Variants in L3HYPDH observed in about 807,000 individuals in gnomAD.
The protein encoded by L3HYPDH is trans-L-3-hydroxyproline dehydratase, also known as trans-3-hydroxy-L-proline dehydratase.
In L3HYPDH, 32 loss-of-function variants were observed where a neutral mutation model predicts 26.5. That is an observed-to-expected ratio of 1.21 (90% CI 0.91 to 1.62). The LOEUF (loss-of-function observed/expected upper bound fraction) is 1.62. Ranked by LOEUF, L3HYPDH falls within the 40% of genes most tolerant of loss-of-function variation. The pLI is 0.00. For missense variants in L3HYPDH, 554 were observed against 476.4 expected, an observed-to-expected ratio of 1.16 and a Z score of -1.52; for synonymous variants, 215 against 196.6, an observed-to-expected ratio of 1.09 and a Z score of -0.78.
the L3HYPDH span, chr14:59,501,331 T>G: frequency 1.0e-6 from 1 of 999,880 alleles, no homozygotes; most frequent in Admixed American, 1.9e-5. Flanking sequence ...AATATCAGAA[T>G]AGTCCATATG....
intron 2 of L3HYPDH, among the ~76,000 whole-genome samples, chr14:59,477,880 G>T (rs75306821): frequency 6.6e-6 from 1 of 151,928 alleles, no homozygotes; most frequent in Non-Finnish European, 1.5e-5. Flanking sequence ...AAATTCTCAC[G>T]TACTAAACAT....
chr14:59,501,326 C>A, the L3HYPDH span: 2 of 1,031,990 alleles, frequency 1.9e-6, no homozygotes, highest in Non-Finnish European at 1.5e-6. Context: ...AATTCAATAT[C>A]AGAATAGTCC....
chr14:59,482,567 A>C (rs1412930625), intron 1 of L3HYPDH, among the ~76,000 whole-genome samples: 1 of 152,214 alleles, frequency 6.6e-6, no homozygotes, highest in Non-Finnish European at 1.5e-5. Flanking sequence ...TTGAGGTTTT[A>C]AAAATGGAAT....
intron 4 of L3HYPDH, among the ~76,000 whole-genome samples, 156 bp from the exon 5 acceptor site, chr14:59,473,246 T>C (rs2139797769): frequency 6.6e-6 from 1 of 152,330 alleles, no homozygotes. Context: ...ATGGTCAGAC[T>C]TGTGTTTTAG....
chr14:59,481,577 AT>A (rs1890026996), intron 1 of L3HYPDH, among the ~76,000 whole-genome samples: 1 of 152,208 alleles, frequency 6.6e-6, no homozygotes. Context: ...TTTCAATTTG[AT>A]TTACTTTGCT....
At chr14:59,484,473 A>G, upstream of L3HYPDH, 3 of 1,416,394 alleles carry the variant, frequency 2.1e-6, no homozygotes, top group Admixed American at 4.1e-5. Flanking sequence ...GGAACTTCGG[A>G]GCTGTCGCCC....
At chr14:59,491,002 A>T in the L3HYPDH span, among the ~76,000 whole-genome samples, 1 of 152,238 alleles carries the variant, frequency 6.6e-6, no homozygotes, top group African/African-American at 2.4e-5. Context: ...GGTGGGTTTA[A>T]AAAGAGGGAG....
At chr14:59,500,315 A>C in the L3HYPDH span, among the ~76,000 whole-genome samples, 7 of 152,200 alleles carry the variant, frequency 4.6e-5, no homozygotes, top group African/African-American at 1.7e-4. Flanking sequence ...AATTGTTCCA[A>C]ATGGGTTCTA....
At chr14:59,501,200 T>C in the L3HYPDH span, 1 of 1,592,142 alleles carries the variant, frequency 6.3e-7, no homozygotes, top group Non-Finnish European at 8.6e-7. Context: ...GATTACGCCT[T>C]CCCATACATT....
the L3HYPDH span, among the ~76,000 whole-genome samples, chr14:59,494,439 G>GA: frequency 6.6e-6 from 1 of 151,764 alleles, no homozygotes; most frequent in East Asian, 1.9e-4. Context: ...ATTTTGAGTA[G>GA]AAAAAAAATC....
chr14:59,496,514 A>G, the L3HYPDH span, among the ~76,000 whole-genome samples: 1 of 152,274 alleles, frequency 6.6e-6, no homozygotes, highest in African/African-American at 2.4e-5. Context: ...TATGTTATTT[A>G]TTGTAATATT....
chr14:59,484,140 G>A lies in L3HYPDH; in HGVS notation c.177C>T (p.Asp59=), dbSNP rs772754684. 6.9e-6 allele frequency: 11 copies of A among 1,601,916 alleles called. No individual in the cohort carries two copies. Among genetic ancestry groups the A allele is most frequent in the African/African-American group, 4.0e-5 (3 of 74,896 alleles). The change falls in exon 1 of 5, where the codon GAC becomes GAT. Residue 59 remains aspartate, a synonymous_variant. Coordinates refer to ENST00000247194, the MANE Select transcript of L3HYPDH (RefSeq NM_144581.2). ...AKRRYMRQHL[D]HVRRRLMFEP... ...CGAACATGAGCCGTCGCCGCACGTG[G>A]TCAAGGTGCTGGCGCATGTAGCGCC...
At chr14:59,483,469 C>T in intron 1 of L3HYPDH, 2 of 1,206,838 alleles carry the variant, frequency 1.7e-6, no homozygotes, top group Non-Finnish European at 2.1e-6. Flanking sequence ...GTTCTTCGCT[C>T]TTTCCTTGAC....
chr14:59,487,052 A>T, upstream of L3HYPDH: 1 of 318,868 alleles, frequency 3.1e-6, no homozygotes. Flanking sequence ...AATAGAAAAA[A>T]ATTAGCTGGG....
Position 59,466,709 on chromosome 14 carries a change from C to A in L3HYPDH, n.31-5536G>T, listed in dbSNP as rs139058854. Reference sequence around the variant, plus strand: ...GAAAAAATATCCTACAGGAAATTTACAGTATAAATAGAAGAACGTTTAAGG... The same window carrying A: ...GAAAAAATATCCTACAGGAAATTTAAAGTATAAATAGAAGAACGTTTAAGG... On this transcript the variant is annotated intron_variant and non_coding_transcript_variant, in intron 1 of 2. Coordinates refer to the L3HYPDH transcript ENST00000466522. Among the ~76,000 whole-genome samples the A allele has an allele frequency of 1.3e-4, 20 of 152,238 alleles. No homozygotes were observed. The East Asian group carries it at 3.9e-3, about 29-fold the overall frequency.
At chr14:59,477,689 A>G (rs1342350309) in intron 2 of L3HYPDH, among the ~76,000 whole-genome samples, 2 of 152,254 alleles carry the variant, frequency 1.3e-5, no homozygotes, top group East Asian at 3.8e-4. Context: ...CTATCATAAT[A>G]TAATTGCACA....
At chr14:59,486,767 T>C (rs1339043065), upstream of L3HYPDH, 1 of 1,594,942 alleles carries the variant, frequency 6.3e-7, no homozygotes, top group South Asian at 1.1e-5. Context: ...ACCCTATTAT[T>C]TAAAAATGGC....
intron 1 of L3HYPDH, 40 bp downstream of exon 1, chr14:59,483,768 GT>G: frequency 6.3e-7 from 1 of 1,581,392 alleles, no homozygotes. Context: ...TCGCGTCCCG[GT>G]TGCAGCTCTG....
chr14:59,483,801 C>T lies in L3HYPDH; in HGVS notation c.508+8G>A. The T allele has an allele frequency of 6.3e-7, 1 of 1,592,000 alleles. No individual in the cohort carries two copies. The highest frequency in any genetic ancestry group is 8.5e-7 in the Non-Finnish European group (1 of 1,176,584). On this transcript the variant is annotated splice_region_variant and intron_variant, in intron 1 of 4. Coordinates refer to ENST00000247194, the MANE Select transcript of L3HYPDH (RefSeq NM_144581.2). ...TCTGCCCTGGGCTGGAAAGGTCCCG[C>T]CCATTACCTGTGGCCAGCACGAAGG... is the stretch of plus-strand genomic sequence containing the variant.
Sources: gnomAD v4.1 joint callset for allele counts (sites outside exome capture counted in the v4.1 genomes callset) on GRCh38, gnomAD v4.1.1 for gene constraint, MANE v1.5 for transcripts, NCBI Gene and HGNC (gene_info 2026-07-23, HGNC 2026-07-21) for gene names.